Variants in CROCC observed in about 807,000 individuals in gnomAD.
The protein encoded by CROCC is rootletin.
Under a neutral mutation model 245.2 loss-of-function variants are expected in CROCC, and 180 were observed. That is an observed-to-expected ratio of 0.73 (90% confidence interval 0.65 to 0.83). CROCC has a LOEUF of 0.83. CROCC is among the 40% of genes least tolerant of loss of function. The probability of loss-of-function intolerance (pLI) is 0.00; values close to 1 mark genes in which losing one functional copy is unlikely to be tolerated. For synonymous variants in CROCC, 1,205 were observed against 1,241.6 expected (o/e 0.97, Z 0.62); for missense variants, 2,688 against 2,779.4 (o/e 0.97, Z 0.74).
chr1:16,948,377 GGC>G lies in CROCC; in HGVS notation c.2563_2564del (p.Arg855GlyfsTer15). 6.3e-7 allele frequency: 1 copy of G among 1,578,604 alleles called. No individual in the cohort carries two copies. Among genetic ancestry groups the G allele is most frequent in the Non-Finnish European group, 8.6e-7 (1 of 1,165,462 alleles). ...CGGGAGCAGGAGCTGGAGCAGGCCC[GGC>G]GGGAGGCCCAGCGGCAAGTGGAGGC... On this transcript the variant is annotated frameshift_variant, in exon 18 of 37. Coordinates refer to ENST00000375541, the MANE Select transcript of CROCC (RefSeq NM_014675.5). LOFTEE classifies it high-confidence loss of function.
intron 8 of CROCC, among the ~76,000 whole-genome samples, chr1:16,932,163 G>T (rs1229388334): frequency 1.3e-5 from 2 of 152,242 alleles, no homozygotes; most frequent in East Asian, 1.9e-4. Context: ...AAAATTCTAG[G>T]CTGGGCACGG....
chr1:16,936,787 G>A lies in CROCC; in HGVS notation c.1107G>A (p.Glu369=), dbSNP rs1193630355. ...KQALLQAQLE[E]QLRDKVLREK... is the part of the protein sequence containing the mutation. ...CCCTGCTGCAGGCCCAGCTGGAGGA[G>A]CAGCTGCGGGACAAGGTGCTCCGCG... Residue 369 remains glutamate (E), a synonymous_variant, in exon 9 of 37, where the codon GAG becomes GAA. Coordinates refer to ENST00000375541, the MANE Select transcript of CROCC (RefSeq NM_014675.5). 3.1e-6 allele frequency: 5 copies of A among 1,611,856 alleles called. No homozygotes were observed. Among genetic ancestry groups the A allele is most frequent in the Admixed American group, 1.7e-5 (1 of 60,000 alleles).
intron 8 of CROCC, among the ~76,000 whole-genome samples, chr1:16,933,675 A>G (rs2075728773): frequency 6.6e-6 from 1 of 152,098 alleles, no homozygotes; most frequent in Non-Finnish European, 1.5e-5. Flanking sequence ...CAGCAATCCT[A>G]TGGCTTCAGC....
chr1:16,938,345 G>A lies in CROCC; in HGVS notation c.1291-55G>A. 3 of 1,479,586 alleles carry A rather than the reference G, an allele frequency of 2.0e-6. No homozygotes were observed. In the Admixed American group the frequency reaches 6.1e-5, roughly 30 times the overall value. The allele number at this position is 1,479,586 out of a possible 1,614,324, so 91.7% of individuals were successfully genotyped here. A position where few individuals can be genotyped will look rare whatever the true frequency, so the allele number is the denominator to read the frequency against. ...GGGCCAGGTAGGGAGGGAAAGGGGA[G>A]GTTTCAGATAAGACAGAACCCCAAC... On this transcript the variant is annotated intron_variant, in intron 10 of 36. Transcript: ENST00000375541.
chr1:16,963,466 C>A (rs1016531630), intron 27 of CROCC, among the ~76,000 whole-genome samples: 1 of 152,170 alleles, frequency 6.6e-6, no homozygotes, highest in Non-Finnish European at 1.5e-5. Flanking sequence ...GACTTTTACC[C>A]TGAGACGATG....
intron 1 of CROCC, among the ~76,000 whole-genome samples, chr1:16,914,599 A>T (rs2075284067): frequency 6.6e-6 from 1 of 152,274 alleles, no homozygotes; most frequent in Non-Finnish European, 1.5e-5. Context: ...CGGATGGGGA[A>T]ACTGAGGCCC....
rs200913198 is a variant in CROCC, at chr1:16,946,392, G to T, written c.2270G>T (p.Arg757Leu). 6 of 1,611,718 alleles carry T rather than the reference G, an allele frequency of 3.7e-6. No homozygotes were observed. The highest frequency in any genetic ancestry group is 4.2e-6 in the Non-Finnish European group (5 of 1,179,640). The change falls in exon 16 of 37, where the codon CGC (arginine) becomes CTC (leucine). Residue 757 changes from arginine to leucine, a missense_variant. Transcript: ENST00000375541. ...GCTCAGGACAAGTTGGATCTGAACC[G>T]CCTTGTCGCCCAGGTACGCTGTGCA... ...SLAQDKLDLN[R>L]LVAQLEEEKS... is the part of the protein sequence containing the mutation.
At position 16,930,105 on chromosome 1, in the gene CROCC, A is replaced by G. The variant is rs1446532936; in HGVS notation, c.538-19A>G. 4 of 1,582,968 alleles carry G rather than the reference A, an allele frequency of 2.5e-6. No homozygotes were observed. The Admixed American group carries it at 7.3e-5, about 29-fold the overall frequency. ...CCCGCCCCAACCCCTGGGGCTCACC[A>G]TCAGCTCCCCATCCCCAGATTCTCC... is the stretch of plus-strand genomic sequence containing the variant. On this transcript the variant is annotated intron_variant, in intron 4 of 36. Coordinates refer to ENST00000375541, the MANE Select transcript of CROCC (RefSeq NM_014675.5).
rs1193202812 is a variant in CROCC at position 16,946,927 on chromosome 1, C to T, written c.2450C>T (p.Ala817Val). ...SLRVAEQAQEALEQQLPTLRH... is the reference protein window; with the variant it reads ...SLRVAEQAQEVLEQQLPTLRH... Reference sequence around the variant, plus strand: ...CGAGTGGCGGAGCAGGCCCAGGAGGCATTGGAGCAGCAGCTCCCCACGCTG... The same window carrying T: ...CGAGTGGCGGAGCAGGCCCAGGAGGTATTGGAGCAGCAGCTCCCCACGCTG... The change falls in exon 17 of 37, where the codon GCA becomes GTA. Residue 817 changes from alanine to valine, a missense_variant. Physicochemically the swap from Ala to Val is moderately conservative, Grantham distance 64. This residue lies in a region of CROCC where 295 missense variants were observed against 241.7 expected (regional missense o/e 1.22). Transcript: ENST00000375541. 6 of 1,563,320 alleles carry T rather than the reference C, an allele frequency of 3.8e-6. No individual in the cohort carries two copies. The South Asian group carries it at 7.1e-5, about 18-fold the overall frequency.
In CROCC at chr1:16,936,754, G is replaced by A; in HGVS notation, c.1074G>A (p.Glu358=). 6.2e-7 allele frequency: 1 copy of A among 1,611,136 alleles called. No individual in the cohort carries two copies. Among genetic ancestry groups the A allele is most frequent in the Non-Finnish European group, 8.5e-7 (1 of 1,179,446 alleles). The change falls in exon 9 of 37, where the codon GAG becomes GAA. Residue 358 remains glutamate, a synonymous_variant. Transcript: ENST00000375541. ...AGAGCCGGGCCGAGGCAGCCCTGGA[G>A]AAACAGGCCCTGCTGCAGGCCCAGC... is the stretch of plus-strand genomic sequence containing the variant. The part of the protein sequence containing the change: ...LAESRAEAAL[E]KQALLQAQLE...
upstream of CROCC, among the ~76,000 whole-genome samples, chr1:16,919,176 G>A (rs1267105165): frequency 1.3e-5 from 2 of 152,288 alleles, no homozygotes; most frequent in Admixed American, 6.5e-5. Context: ...CTGGACTGAT[G>A]AGCATTTATA....
intron 36 of CROCC, 23 bp downstream of exon 36, chr1:16,971,670 C>T (rs967634619): frequency 6.8e-7 from 1 of 1,461,362 alleles, no homozygotes; most frequent in Non-Finnish European, 9.0e-7. Context: ...CCTTAGAAGG[C>T]TGGGCCAGGA....
upstream of CROCC, among the ~76,000 whole-genome samples, chr1:16,918,727 T>G (rs904396552): frequency 7.0e-6 from 1 of 142,500 alleles, no homozygotes; most frequent in Admixed American, 7.6e-5. Context: ...TGCTGGCCGG[T>G]TTAGTTTTTT....
chr1:16,932,797 C>T lies in CROCC; in HGVS notation c.956+1400C>T, dbSNP rs201538552. Among the ~76,000 whole-genome samples, 51 of 152,388 alleles carry T rather than the reference C, an allele frequency of 3.3e-4. No individual in the cohort carries two copies. The East Asian group carries it at 5.0e-3, about 15-fold the overall frequency. ...CTCAACAGTAGTGTCAGGGAGGCTG[C>T]GGAGAGAGCCCCAAGGCAGGAGGCC... On this transcript the variant is annotated intron_variant, in intron 8 of 36. Coordinates refer to ENST00000375541, the MANE Select transcript of CROCC (RefSeq NM_014675.5).
chr1:16,914,738 GC>G (rs1416842011), intron 1 of CROCC, among the ~76,000 whole-genome samples: 1 of 43,026 alleles, frequency 2.3e-5, no homozygotes, highest in African/African-American at 6.6e-5. Flanking sequence ...TCTGGAGTGG[GC>G]ATTTTGAACG....
At chr1:16,940,348 C>T (rs1366737280) in intron 13 of CROCC, among the ~76,000 whole-genome samples, 1 of 151,924 alleles carries the variant, frequency 6.6e-6, no homozygotes, top group Non-Finnish European at 1.5e-5. Context: ...CTCAGCCTCC[C>T]GAGTATCTGG....
At position 16,952,273 on chromosome 1, in the gene CROCC, G is replaced by A. The variant is rs578185793; in HGVS notation, c.3007-1029G>A. Among the ~76,000 whole-genome samples, 58 of 151,478 alleles carry A rather than the reference G, an allele frequency of 3.8e-4. 1 individual carries two copies. In the South Asian group the frequency reaches 0.011, roughly 28 times the overall value. ...GCCGAGGTGGGCAGATCACCAGGTCGGAAGATCGAGACCATCCTGGCTAAC... is the reference window on the plus strand; with the variant it reads ...GCCGAGGTGGGCAGATCACCAGGTCAGAAGATCGAGACCATCCTGGCTAAC... On this transcript the variant is annotated intron_variant, in intron 20 of 36. Transcript: ENST00000375541.
In CROCC at chr1:16,948,931, G is replaced by A. The variant is rs1341849617; in HGVS notation, c.2836+5G>A. ...TGGCCAAGGAGACCCTGACTGGTAC[G>A]AGGGGCTGGGGACTTGGGGGGAACA... is the stretch of plus-strand genomic sequence containing the variant. On this transcript the variant is annotated splice_donor_5th_base_variant and intron_variant, in intron 19 of 36. Coordinates refer to ENST00000375541, the MANE Select transcript of CROCC (RefSeq NM_014675.5). 5 of 1,611,036 alleles carry A rather than the reference G, an allele frequency of 3.1e-6. No homozygotes were observed. The highest frequency in any genetic ancestry group is 2.7e-5 in the African/African-American group (2 of 74,900).
intron 3 of CROCC, among the ~76,000 whole-genome samples, chr1:16,927,016 G>A (rs754698183): frequency 3.9e-5 from 6 of 152,222 alleles, no homozygotes; most frequent in East Asian, 3.8e-4. Context: ...ACCCAGCAAC[G>A]GCCTGAACCC....
Sources: gnomAD v4.1 joint callset for allele counts (sites outside exome capture counted in the v4.1 genomes callset) on GRCh38, gnomAD v4.1.1 for gene constraint, gnomAD v4.1.1 regional missense constraint, MANE v1.5 for transcripts, NCBI Gene and HGNC (gene_info 2026-07-23, HGNC 2026-07-21) for gene names.